The following ATP8A2 variants were observed in gnomAD, a reference collection of about 807,000 sequenced individuals.
ATP8A2 encodes phospholipid-transporting ATPase IB.
ATP8A2 carries 100 observed loss-of-function variants against 165.6 expected under a neutral mutation model. The observed-to-expected ratio is 0.60, with a 90% CI of 0.51 to 0.71. ATP8A2 has a LOEUF of 0.71. Ranked by LOEUF, ATP8A2 falls within the 30% of genes least tolerant of loss-of-function variation. The pLI is 0.00. For synonymous variants in ATP8A2, 543 were observed against 548.8 expected (o/e 0.99, Z 0.15); for missense variants, 1,227 against 1,479.5 (o/e 0.83, Z 2.80).
intron 22 of ATP8A2, among the ~76,000 whole-genome samples, chr13:25,581,224 C>T (rs12100379): frequency 0.52 from 78,236 of 151,888 alleles, 23,628 homozygotes; most frequent in Non-Finnish European, 0.7. Context: ...GGAATTTGCC[C>T]GACCAGCAGG....
chr13:25,845,567 A>G (rs1951842317), intron 30 of ATP8A2, among the ~76,000 whole-genome samples: 1 of 152,178 alleles, frequency 6.6e-6, no homozygotes, highest in East Asian at 1.9e-4. Flanking sequence ...GGGCCTTTCG[A>G]CATTTTTGGA....
In ATP8A2 at chr13:25,746,467, C is replaced by A. The variant is rs543714588; in HGVS notation, c.2385-22579C>A. On this transcript the variant is annotated intron_variant, in intron 25 of 36. Coordinates refer to ENST00000381655, the MANE Select transcript of ATP8A2 (RefSeq NM_016529.6). ...GAATTTGAATTTGAACCTGGAAGGA[C>A]TTCTATGGTCCTTTCTATGTATGTA... Among the ~76,000 whole-genome samples the A allele has an allele frequency of 4.6e-5, 7 of 152,288 alleles. No individual in the cohort carries two copies. The South Asian group carries it at 1.5e-3, about 32-fold the overall frequency.
chr13:25,687,219 C>G (rs1246526827), intron 24 of ATP8A2, among the ~76,000 whole-genome samples: 1 of 152,164 alleles, frequency 6.6e-6, no homozygotes, highest in Non-Finnish European at 1.5e-5. Flanking sequence ...TCAGCACCTG[C>G]TGTTTGCTAG....
intron 16 of ATP8A2, chr13:25,567,305 C>T (rs1286095843): frequency 2.2e-6 from 1 of 456,588 alleles, no homozygotes; most frequent in African/African-American, 2.0e-5. Flanking sequence ...ATACCTCTCC[C>T]ATTGCCTTCC....
intron 33 of ATP8A2, among the ~76,000 whole-genome samples, chr13:25,913,635 C>T (rs1954185890): frequency 6.6e-6 from 1 of 152,106 alleles, no homozygotes; most frequent in Non-Finnish European, 1.5e-5. Flanking sequence ...AATCAGAAAT[C>T]ATGTTGTGTT....
chr13:25,793,893 G>T (rs533999393), intron 27 of ATP8A2, among the ~76,000 whole-genome samples: 1 of 152,252 alleles, frequency 6.6e-6, no homozygotes, highest in South Asian at 2.1e-4. Context: ...CAGTTCTTTA[G>T]CTGAGATTGT....
intron 35 of ATP8A2, among the ~76,000 whole-genome samples, 153 bp from the exon 36 acceptor site, chr13:26,012,378 A>G (rs1956867235): frequency 6.6e-6 from 1 of 152,100 alleles, no homozygotes; most frequent in Non-Finnish European, 1.5e-5. Context: ...CCCAGATGGC[A>G]TCTGCTGGAA....
At chr13:25,727,447 GC>G (rs1440393377) in intron 25 of ATP8A2, among the ~76,000 whole-genome samples, 1 of 152,084 alleles carries the variant, frequency 6.6e-6, no homozygotes, top group Non-Finnish European at 1.5e-5. Context: ...AGCTGTATTT[GC>G]ATTACTGAAA....
chr13:25,804,798 TG>T (rs1362200624), intron 27 of ATP8A2, among the ~76,000 whole-genome samples: 2 of 152,168 alleles, frequency 1.3e-5, no homozygotes, highest in African/African-American at 4.8e-5. Context: ...AAATGAATTC[TG>T]TGAACTTAAA....
chr13:25,814,799 T>G (rs192096459), intron 27 of ATP8A2, among the ~76,000 whole-genome samples: 4 of 152,226 alleles, frequency 2.6e-5, no homozygotes, highest in African/African-American at 9.6e-5. Context: ...GTGGATCACT[T>G]GAGCCAAGGA....
At chr13:25,934,172 T>A (rs1363944285) in intron 33 of ATP8A2, among the ~76,000 whole-genome samples, 1 of 152,244 alleles carries the variant, frequency 6.6e-6, no homozygotes, top group Non-Finnish European at 1.5e-5. Flanking sequence ...GGCCTTAACT[T>A]CTTTTCCAGA....
intron 27 of ATP8A2, among the ~76,000 whole-genome samples, chr13:25,819,850 A>AT: frequency 6.6e-6 from 1 of 152,346 alleles, no homozygotes; most frequent in African/African-American, 2.4e-5. Flanking sequence ...AACCTGAAGC[A>AT]TTTTGACATT....
At chr13:25,563,029 T>A (rs2039205392) in intron 15 of ATP8A2, among the ~76,000 whole-genome samples, 1 of 152,220 alleles carries the variant, frequency 6.6e-6, no homozygotes. Context: ...GTTACTGTTT[T>A]CTGTGCTGTT....
At chr13:25,405,221 G>A (rs1353004506) in intron 1 of ATP8A2, among the ~76,000 whole-genome samples, 1 of 152,144 alleles carries the variant, frequency 6.6e-6, no homozygotes, top group Admixed American at 6.5e-5. Flanking sequence ...GAGGGAAGGC[G>A]CAGATGCGAA....
intron 22 of ATP8A2, 148 bp from the exon 23 acceptor site, chr13:25,581,671 T>C: frequency 1.3e-6 from 1 of 784,036 alleles, no homozygotes; most frequent in Non-Finnish European, 2.1e-6. Flanking sequence ...ATGCCATCCA[T>C]CCAGATGCCA....
At chr13:25,746,966 A>C (rs1374358724) in intron 25 of ATP8A2, among the ~76,000 whole-genome samples, 1 of 152,134 alleles carries the variant, frequency 6.6e-6, no homozygotes, top group African/African-American at 2.4e-5. Context: ...GTTTCCCTCC[A>C]TTGTGGGGAA....
At chr13:25,836,520 G>A (rs1168132117) in intron 28 of ATP8A2, among the ~76,000 whole-genome samples, 3 of 152,020 alleles carry the variant, frequency 2.0e-5, no homozygotes, top group African/African-American at 7.2e-5. Context: ...CTCCTTCTGC[G>A]TCCTCCCCTA....
chr13:25,481,798 A>G (rs977167653), intron 2 of ATP8A2, among the ~76,000 whole-genome samples: 9 of 152,156 alleles, frequency 5.9e-5, no homozygotes, highest in African/African-American at 2.2e-4. Flanking sequence ...AGAGAGAGTG[A>G]GCAAGAGCAA....
In ATP8A2 at chr13:25,714,000, A is replaced by G. The variant is rs189293855; in HGVS notation, c.2384+14655A>G. 3.8e-3 allele frequency among the ~76,000 whole-genome samples: 573 copies of G among 152,204 alleles called. 2 individuals carry two copies. The highest frequency in any genetic ancestry group is 0.013 in the African/African-American group (526 of 41,514). ...GATCTTAGGTACGTTGAATTCTTAA[A>G]TTTATTAGCTTCTCTAATGCTGTAG... On this transcript the variant is annotated intron_variant, in intron 25 of 36. Coordinates refer to ENST00000381655, the MANE Select transcript of ATP8A2 (RefSeq NM_016529.6).
Sources: allele counts gnomAD v4.1 joint callset (sites outside exome capture counted in the v4.1 genomes callset), GRCh38; gene constraint gnomAD v4.1.1; transcripts MANE v1.5; gene names NCBI Gene and HGNC (gene_info 2026-07-23, HGNC 2026-07-21).